DNAH5: variants seen among roughly 807,000 people sequenced by gnomAD.
DNAH5 encodes the protein dynein axonemal heavy chain 5.
In DNAH5, 372 loss-of-function variants were observed where a neutral mutation model predicts 518.2. That is an observed-to-expected ratio of 0.72 (90% CI 0.66 to 0.78). The LOEUF is 0.78. Among genes scored for constraint, DNAH5 ranks in the 30% least tolerant of loss-of-function variants. DNAH5 has a pLI of 0.00. For missense variants in DNAH5, 5,523 were observed against 5,687.0 expected, an observed-to-expected ratio of 0.97 and a Z score of 0.93; for synonymous variants, 2,039 against 2,025.9, an observed-to-expected ratio of 1.01 and a Z score of -0.17.
At chr5:13,750,242 T>C (rs1437208897) in intron 65 of DNAH5, among the ~76,000 whole-genome samples, 1 of 152,130 alleles carries the variant, frequency 6.6e-6, no homozygotes, top group Admixed American at 6.5e-5. Context: ...GAAGGTGCCA[T>C]AAAGTTAACT....
chr5:13,951,960 T>C (rs935223371), intron 1 of DNAH5, among the ~76,000 whole-genome samples: 4 of 152,232 alleles, frequency 2.6e-5, no homozygotes, highest in African/African-American at 9.6e-5. Flanking sequence ...TTCAAAATCA[T>C]GTTGTCTTCC....
intron 1 of DNAH5, among the ~76,000 whole-genome samples, chr5:13,988,080 C>G (rs1265849741): frequency 6.6e-6 from 1 of 152,094 alleles, no homozygotes; most frequent in Non-Finnish European, 1.5e-5. Context: ...CCCGGGTCGC[C>G]TCCGCTCTTA....
In DNAH5 at chr5:13,890,960, T is replaced by A. The variant is rs753395893; in HGVS notation, c.2577+16A>T. ...CACCAAAAACCTTAAACAAAAAAAA[T>A]CAAGGTTTTAATGACCTTTGTCATT... On this transcript the variant is annotated intron_variant, in intron 17 of 78. Coordinates refer to ENST00000265104, the MANE Select transcript of DNAH5 (RefSeq NM_001369.3). 6 of 1,613,722 alleles carry A rather than the reference T, an allele frequency of 3.7e-6. No individual in the cohort carries two copies. In the East Asian group the frequency reaches 1.1e-4, roughly 30 times the overall value.
At chr5:13,701,526 A>G (rs1263178600) in intron 76 of DNAH5, 90 bp from the exon 77 acceptor site, 2 of 1,244,766 alleles carry the variant, frequency 1.6e-6, no homozygotes. Context: ...AAAAAGATGA[A>G]ATATCAATTT....
intron 35 of DNAH5, among the ~76,000 whole-genome samples, chr5:13,831,196 C>G (rs1274087266): frequency 1.3e-5 from 2 of 152,102 alleles, no homozygotes; most frequent in Non-Finnish European, 2.9e-5. Context: ...TAGATTAATC[C>G]CCTTTTGAAT....
At chr5:13,881,116 T>A (rs1358567158) in intron 21 of DNAH5, among the ~76,000 whole-genome samples, 1 of 151,974 alleles carries the variant, frequency 6.6e-6, no homozygotes, top group Non-Finnish European at 1.5e-5. Context: ...CGTAAATACA[T>A]ATACACCCAA....
In DNAH5 at chr5:13,766,047, T is replaced by A. The variant is rs548909761; in HGVS notation, c.10030A>T (p.Ser3344Cys). The change falls in exon 59 of 79, where the codon AGC becomes TGC. Residue 3344 changes from serine to cysteine, a missense_variant. Ser to Cys is a moderately radical substitution (Grantham distance 112, BLOSUM62 -1). Around this residue, in one of 3 missense-constraint regions of DNAH5, gnomAD observed 5,121 missense variants for 5,223.3 expected, o/e 0.98. Coordinates refer to ENST00000265104, the MANE Select transcript of DNAH5 (RefSeq NM_001369.3). The part of the protein sequence containing the change: ...VSAVKIDLEK[S>C]CTMPSWQESL... ...TCCTGCCAGGAGGGCATGGTACAGC[T>A]TTTTTCCAGGTCAATTTTCACAGCA... The A allele has an allele frequency of 1.2e-6, 2 of 1,614,198 alleles. No homozygotes were observed. The highest frequency in any genetic ancestry group is 2.2e-5 in the South Asian group (2 of 91,090).
intron 70 of DNAH5, among the ~76,000 whole-genome samples, chr5:13,723,570 C>T (rs1429703479): frequency 6.6e-6 from 1 of 152,210 alleles, no homozygotes; most frequent in Non-Finnish European, 1.5e-5. Flanking sequence ...ATATTTTAGA[C>T]TTTGGTGGCC....
At chr5:13,814,545 A>G in intron 43 of DNAH5, 60 bp downstream of exon 43, 1 of 1,580,786 alleles carries the variant, frequency 6.3e-7, no homozygotes, top group Non-Finnish European at 8.7e-7. Context: ...ACACACACTA[A>G]AAGAATGCTA....
At chr5:13,718,791 A>G in intron 72 of DNAH5, 91 bp downstream of exon 72, 1 of 1,089,254 alleles carries the variant, frequency 9.2e-7, no homozygotes, top group Admixed American at 1.9e-5. Context: ...ATTTGCTATA[A>G]CTGTATCCTA....
chr5:13,761,548 AAGCCACTGCACTCC>A (rs1457472114), intron 60 of DNAH5, among the ~76,000 whole-genome samples: 1 of 150,550 alleles, frequency 6.6e-6, no homozygotes, highest in Non-Finnish European at 1.5e-5. Context: ...AGCTGAGATC[AAGCCACTGCACTCC>A]AGCCTGGGTG....
chr5:13,962,556 A>G (rs1403732298), intron 1 of DNAH5, among the ~76,000 whole-genome samples: 1 of 152,244 alleles, frequency 6.6e-6, no homozygotes, highest in Non-Finnish European at 1.5e-5. Context: ...TACTGCAGTT[A>G]GAGAAGACAG....
chr5:13,808,364 T>C (rs956336442), intron 46 of DNAH5, among the ~76,000 whole-genome samples: 1 of 152,072 alleles, frequency 6.6e-6, no homozygotes, highest in African/African-American at 2.4e-5. Flanking sequence ...ACCTTCATCC[T>C]GGACTTTCAG....
intron 1 of DNAH5, among the ~76,000 whole-genome samples, chr5:14,001,932 C>T (rs1784380957): frequency 6.6e-6 from 1 of 151,750 alleles, no homozygotes; most frequent in Admixed American, 6.6e-5. Flanking sequence ...CAGCGTCTTG[C>T]TCTGTCGCCA....
At position 13,772,148 on chromosome 5, in the gene DNAH5, T is replaced by C. The variant is rs1753429150; in HGVS notation, c.9374-1168A>G. 2.0e-5 allele frequency among the ~76,000 whole-genome samples: 3 copies of C among 152,316 alleles called. No homozygotes were observed. In the South Asian group the frequency reaches 6.2e-4, roughly 32 times the overall value. ...ACCATAGAACAATTCATACTTATGA[T>C]ACATTTTGTGTAGGTGTTAACCACA... On this transcript the variant is annotated intron_variant, in intron 55 of 78. Transcript: ENST00000265104.
At chr5:13,822,047 A>C (rs1397476399) in intron 40 of DNAH5, among the ~76,000 whole-genome samples, 1 of 152,156 alleles carries the variant, frequency 6.6e-6, no homozygotes, top group Non-Finnish European at 1.5e-5. Flanking sequence ...CTATCAAAGC[A>C]CTGGGACTAT....
At chr5:13,701,029 T>C (rs1447264533) in intron 77 of DNAH5, among the ~76,000 whole-genome samples, 158 bp from the exon 78 acceptor site, 1 of 151,954 alleles carries the variant, frequency 6.6e-6, no homozygotes, top group Non-Finnish European at 1.5e-5. Flanking sequence ...AAAAACCACA[T>C]CCTAATTGAG....
intron 1 of DNAH5, among the ~76,000 whole-genome samples, chr5:14,000,797 T>C (rs148247415): frequency 6.6e-6 from 1 of 152,286 alleles, no homozygotes; most frequent in Admixed American, 6.5e-5. Context: ...ACTGAGTACA[T>C]ACCCAAAGGA....
At chr5:13,798,490 T>C (rs574023310) in intron 47 of DNAH5, among the ~76,000 whole-genome samples, 1 of 152,244 alleles carries the variant, frequency 6.6e-6, no homozygotes, top group East Asian at 1.9e-4. Context: ...TTTTAAATCA[T>C]GTTAAAGATG....
Sources: allele counts gnomAD v4.1 joint callset (sites outside exome capture counted in the v4.1 genomes callset), GRCh38; gene constraint gnomAD v4.1.1; regional missense constraint gnomAD v4.1.1; transcripts MANE v1.5; gene names NCBI Gene and HGNC (gene_info 2026-07-23, HGNC 2026-07-21).